The following RBFOX1 variants were observed in gnomAD, a reference collection of about 807,000 sequenced individuals.
RBFOX1 encodes RNA binding fox-1 homolog 1, also known as RNA binding protein fox-1 homolog 1.
In RBFOX1, 8 loss-of-function variants were observed where a neutral mutation model predicts 57.7. The ratio of observed to expected loss-of-function variants is 0.14; its 90% CI spans 0.08 to 0.25. RBFOX1 has a LOEUF of 0.25. Among genes scored for constraint, RBFOX1 ranks in the 10% least tolerant of loss-of-function variants. The probability of loss-of-function intolerance (pLI) is 1.00; values close to 1 mark genes in which losing one functional copy is unlikely to be tolerated. For missense variants in RBFOX1, 611 were observed against 548.5 expected (o/e 1.11, Z -1.14); for synonymous variants, 326 against 222.4 (o/e 1.47, Z -4.15).
At chr16:6,038,937 C>G (rs905352469) in intron 1 of RBFOX1, 1 of 127,794 alleles carries the variant, frequency 7.8e-6, no homozygotes, top group Non-Finnish European at 1.5e-5. Context: ...GCATCAGTGT[C>G]TATGTGTGGA....
chr16:7,450,392 C>CAA (rs57188328), intron 4 of RBFOX1, among the ~76,000 whole-genome samples: 32,463 of 68,740 alleles, frequency 0.47, 8,905 homozygotes, highest in African/African-American at 0.55. Flanking sequence ...GACTCTGTCT[C>CAA]AAAAAAAAAA....
chr16:7,600,901 T>A (rs967000468), intron 9 of RBFOX1, among the ~76,000 whole-genome samples: 3 of 152,238 alleles, frequency 2.0e-5, no homozygotes, highest in African/African-American at 7.2e-5. Context: ...GCCGTAGGCT[T>A]CTGGACATTC....
chr16:6,861,822 G>GTTTTTTTTTTTTTTT (rs1285793325), intron 3 of RBFOX1, among the ~76,000 whole-genome samples: 10 of 65,564 alleles, frequency 1.5e-4, no homozygotes, highest in Non-Finnish European at 2.2e-4. Context: ...AGCGTCCCTT[G>GTTTTTTTTTTTTTTT]GTTTTTTTTT....
At chr16:6,176,597 C>G (rs912285420) in intron 1 of RBFOX1, among the ~76,000 whole-genome samples, 4 of 151,958 alleles carry the variant, frequency 2.6e-5, no homozygotes, top group African/African-American at 9.7e-5. Flanking sequence ...AGACTGGTGT[C>G]TAACACATGG....
At chr16:5,944,715 G>C (rs1382999076) in intron 4 of RBFOX1, among the ~76,000 whole-genome samples, 1 of 148,298 alleles carries the variant, frequency 6.7e-6, no homozygotes, top group Non-Finnish European at 1.5e-5. Context: ...AGCACTTTGA[G>C]AGGCCAAGGT....
intron 4 of RBFOX1, among the ~76,000 whole-genome samples, chr16:5,926,422 G>C (rs1174233485): frequency 6.6e-6 from 1 of 152,080 alleles, no homozygotes; most frequent in Non-Finnish European, 1.5e-5. Context: ...TTAGCTGACT[G>C]GGGGGTGCTT....
chr16:5,708,952 A>G (rs1055416539), intron 3 of RBFOX1, among the ~76,000 whole-genome samples: 10 of 152,198 alleles, frequency 6.6e-5, no homozygotes, highest in Non-Finnish European at 1.5e-4. Flanking sequence ...CAAGAAAGAG[A>G]GCAAGAGAGA....
intron 15 of RBFOX1, chr16:7,709,913 G>C (rs973731955): frequency 3.0e-5 from 32 of 1,057,416 alleles, no homozygotes; most frequent in Admixed American, 1.1e-4. Flanking sequence ...TTTCTGCTTG[G>C]ATCAAGAATA....
At chr16:5,525,940 A>C (rs1163423299) in intron 2 of RBFOX1, among the ~76,000 whole-genome samples, 3 of 152,182 alleles carry the variant, frequency 2.0e-5, no homozygotes, top group East Asian at 3.9e-4. Flanking sequence ...GGCAAGCTTC[A>C]CATCATGTGA....
intron 1 of RBFOX1, among the ~76,000 whole-genome samples, chr16:6,094,478 C>G (rs759039560): frequency 1.3e-5 from 2 of 152,146 alleles, no homozygotes; most frequent in Middle Eastern, 3.2e-3. Flanking sequence ...AAGAGAGAAA[C>G]TGACATGCTC....
At chr16:6,532,312 GCAA>G (rs1470761519) in intron 2 of RBFOX1, among the ~76,000 whole-genome samples, 1 of 152,116 alleles carries the variant, frequency 6.6e-6, no homozygotes, top group African/African-American at 2.4e-5. Context: ...CAACCAGTGA[GCAA>G]GTGATCTCCA....
At chr16:7,531,167 A>C (rs111669227) in intron 5 of RBFOX1, among the ~76,000 whole-genome samples, 3 of 152,358 alleles carry the variant, frequency 2.0e-5, no homozygotes, top group African/African-American at 7.2e-5. Context: ...GTTGCAAATC[A>C]TACAATCCAA....
chr16:6,985,383 G>C (rs1054400961), intron 3 of RBFOX1, among the ~76,000 whole-genome samples: 1 of 152,126 alleles, frequency 6.6e-6, no homozygotes, highest in Non-Finnish European at 1.5e-5. Context: ...TTATAAATAG[G>C]TATGGCTGGA....
At chr16:6,308,737 G>A (rs2079857913) in intron 1 of RBFOX1, among the ~76,000 whole-genome samples, 1 of 152,178 alleles carries the variant, frequency 6.6e-6, no homozygotes, top group African/African-American at 2.4e-5. Flanking sequence ...CAGGCTATTC[G>A]ACCAGGTATC....
intron 4 of RBFOX1, among the ~76,000 whole-genome samples, chr16:7,300,518 C>G (rs1000061946): frequency 6.6e-6 from 1 of 152,204 alleles, no homozygotes; most frequent in Non-Finnish European, 1.5e-5. Flanking sequence ...TGCCACTGAG[C>G]TAACCCCAGT....
At chr16:7,590,153 G>C (rs1183816321) in intron 7 of RBFOX1, among the ~76,000 whole-genome samples, 1 of 152,040 alleles carries the variant, frequency 6.6e-6, no homozygotes, top group East Asian at 1.9e-4. Flanking sequence ...TGTAGTCCAA[G>C]CTACTTGGGA....
intron 4 of RBFOX1, among the ~76,000 whole-genome samples, chr16:7,108,592 G>A (rs1437670636): frequency 1.3e-5 from 2 of 152,098 alleles, no homozygotes; most frequent in Admixed American, 1.3e-4. Flanking sequence ...ATGGTTCAGT[G>A]GGATTTGTTA....
chr16:5,957,208 T>A (rs1001826419), intron 4 of RBFOX1, among the ~76,000 whole-genome samples: 1 of 152,054 alleles, frequency 6.6e-6, no homozygotes, highest in African/African-American at 2.4e-5. Flanking sequence ...CAATTTATTT[T>A]TTTTCTTTTT....
intron 1 of RBFOX1, among the ~76,000 whole-genome samples, chr16:6,036,396 GT>G (rs398058056): frequency 8.1e-5 from 12 of 148,268 alleles, no homozygotes; most frequent in East Asian, 3.9e-4. Context: ...AATGTTTTGT[GT>G]TTTTTTTTTG....
Sources: allele counts gnomAD v4.1 joint callset (sites outside exome capture counted in the v4.1 genomes callset), GRCh38; gene constraint gnomAD v4.1.1; transcripts MANE v1.5; gene names NCBI Gene and HGNC (gene_info 2026-07-23, HGNC 2026-07-21).